The following RGS5 variants were observed in gnomAD, a reference collection of about 807,000 sequenced individuals.
The protein encoded by RGS5 is regulator of G-protein signalling 5.
In RGS5, 20 loss-of-function variants were observed where a neutral mutation model predicts 18.9. The observed-to-expected ratio is 1.06, with a 90% CI of 0.74 to 1.54. The LOEUF (loss-of-function observed/expected upper bound fraction) is 1.54. RGS5 is among the 40% of genes most tolerant of loss of function. The pLI, the probability that RGS5 is intolerant of heterozygous loss-of-function variation, is 0.00. For synonymous variants in RGS5, 57 were observed against 76.2 expected, an observed-to-expected ratio of 0.75 and a Z score of 1.31; for missense variants, 201 against 211.8, an observed-to-expected ratio of 0.95 and a Z score of 0.32.
At chr1:163,250,424 G>T (rs10494392) in intron 2 of RGS5, among the ~76,000 whole-genome samples, 32,455 of 152,128 alleles carry the variant, frequency 0.21, 3,707 homozygotes, top group African/African-American at 0.3. Context: ...ATTATGAGAC[G>T]TGAAGGTGAT....
At chr1:163,166,051 A>G (rs1357389368) in intron 2 of RGS5, among the ~76,000 whole-genome samples, 3 of 152,174 alleles carry the variant, frequency 2.0e-5, no homozygotes, top group Non-Finnish European at 4.4e-5. Flanking sequence ...AAAGACTGAA[A>G]GCCATGAGTA....
At chr1:163,169,699 C>T (rs1443467477) in intron 1 of RGS5, among the ~76,000 whole-genome samples, 1 of 152,076 alleles carries the variant, frequency 6.6e-6, no homozygotes, top group African/African-American at 2.4e-5. Context: ...ACTGCCAGAC[C>T]TCAGTTCCCT....
intron 1 of RGS5, among the ~76,000 whole-genome samples, chr1:163,202,535 C>T (rs1030179008): frequency 7.9e-5 from 12 of 152,220 alleles, no homozygotes; most frequent in Non-Finnish European, 1.3e-4. Flanking sequence ...ATAGAATAGG[C>T]ATCTCCTTGA....
At chr1:163,216,410 C>A (rs1242277647) in intron 1 of RGS5, among the ~76,000 whole-genome samples, 1 of 152,152 alleles carries the variant, frequency 6.6e-6, no homozygotes, top group African/African-American at 2.4e-5. Flanking sequence ...ACTCACAAAC[C>A]AGATGGGCTC....
At chr1:163,270,144 T>C (rs1274729024) in intron 2 of RGS5, among the ~76,000 whole-genome samples, 3 of 152,110 alleles carry the variant, frequency 2.0e-5, no homozygotes, top group East Asian at 1.9e-4. Context: ...TCGGCATATA[T>C]GCACTTGGGG....
At chr1:163,179,882 C>T (rs1403730677) in intron 1 of RGS5, among the ~76,000 whole-genome samples, 1 of 152,108 alleles carries the variant, frequency 6.6e-6, no homozygotes, top group Non-Finnish European at 1.5e-5. Flanking sequence ...ACCCTTCTTC[C>T]CAATATCCCA....
At chr1:163,184,814 C>A (rs535320232) in intron 1 of RGS5, among the ~76,000 whole-genome samples, 1 of 152,226 alleles carries the variant, frequency 6.6e-6, no homozygotes, top group South Asian at 2.1e-4. Context: ...CCAGAACCTC[C>A]AGGAGGAATG....
At chr1:163,161,193 T>C (rs981484860) in intron 3 of RGS5, among the ~76,000 whole-genome samples, 1 of 152,206 alleles carries the variant, frequency 6.6e-6, no homozygotes, top group African/African-American at 2.4e-5. Context: ...AGAAATCCTA[T>C]ATGGAACAGA....
At chr1:163,245,048 T>C (rs866390805) in intron 2 of RGS5, 6 of 152,222 alleles carry the variant, frequency 3.9e-5, no homozygotes, top group Non-Finnish European at 8.8e-5. Context: ...AATAAAACCT[T>C]AGGTCACATT....
intron 2 of RGS5, among the ~76,000 whole-genome samples, chr1:163,287,851 T>C (rs770462529): frequency 1.3e-5 from 2 of 152,234 alleles, no homozygotes; most frequent in African/African-American, 4.8e-5. Flanking sequence ...TGTTCCAGCA[T>C]TGAGTGGATT....
intron 1 of RGS5, among the ~76,000 whole-genome samples, chr1:163,184,804 C>G (rs1659001914): frequency 6.6e-6 from 1 of 152,074 alleles, no homozygotes; most frequent in Non-Finnish European, 1.5e-5. Context: ...TCAATTTCCC[C>G]CAGAACCTCC....
chr1:163,151,118 G>T (rs1254030119), intron 4 of RGS5, among the ~76,000 whole-genome samples: 1 of 152,148 alleles, frequency 6.6e-6, no homozygotes, highest in African/African-American at 2.4e-5. Flanking sequence ...TTTCAATGTG[G>T]TTTTATAAAT....
intron 2 of RGS5, among the ~76,000 whole-genome samples, chr1:163,297,181 AG>A (rs1489098986): frequency 2.6e-5 from 4 of 152,298 alleles, no homozygotes; most frequent in South Asian, 2.1e-4. Flanking sequence ...AGAAAGCCAC[AG>A]GCAAATCAGC....
intron 1 of RGS5, among the ~76,000 whole-genome samples, chr1:163,311,545 A>G (rs1482817557): frequency 6.6e-6 from 1 of 152,186 alleles, no homozygotes; most frequent in African/African-American, 2.4e-5. Flanking sequence ...GAAGGCTTGG[A>G]GGACATTATA....
Position 163,316,861 on chromosome 1 carries a change from C to T in RGS5, c.-378+4761G>A, listed in dbSNP as rs943985646. On this transcript the variant is annotated intron_variant, in intron 1 of 5. Transcript: ENST00000618415. The stretch of plus-strand genomic sequence containing the variant: ...GCTACTACTATTACTTTGTTAGACG[C>T]ATCATGTCTCAAAAGGAGTTCAGTT... 1.3e-4 allele frequency among the ~76,000 whole-genome samples: 20 copies of T among 152,238 alleles called. No individual in the cohort carries two copies. The East Asian group carries it at 2.9e-3, about 22-fold the overall frequency.
intron 4 of RGS5, among the ~76,000 whole-genome samples, chr1:163,149,110 G>A (rs916586133): frequency 6.6e-6 from 1 of 152,200 alleles, no homozygotes; most frequent in Non-Finnish European, 1.5e-5. Flanking sequence ...TTTTCCAGAG[G>A]TGAAAGGGGT....
At chr1:163,180,940 C>T (rs762936461) in intron 1 of RGS5, among the ~76,000 whole-genome samples, 1 of 152,028 alleles carries the variant, frequency 6.6e-6, no homozygotes, top group East Asian at 1.9e-4. Context: ...GTGATCCTCC[C>T]GCCTCCGCCT....
chr1:163,177,872 C>T (rs933047678), intron 1 of RGS5, among the ~76,000 whole-genome samples: 3 of 152,116 alleles, frequency 2.0e-5, no homozygotes, highest in African/African-American at 2.4e-5. Context: ...TGTGTTGTGA[C>T]GTCAAAAGCA....
At chr1:163,201,977 G>T (rs1287485009) in intron 1 of RGS5, among the ~76,000 whole-genome samples, 1 of 152,116 alleles carries the variant, frequency 6.6e-6, no homozygotes, top group Non-Finnish European at 1.5e-5. Flanking sequence ...TAACAAGTAA[G>T]ATATTTGTTC....
Sources: gnomAD v4.1 joint callset for allele counts (sites outside exome capture counted in the v4.1 genomes callset) on GRCh38, gnomAD v4.1.1 for gene constraint, MANE v1.5 for transcripts, NCBI Gene and HGNC (gene_info 2026-07-23, HGNC 2026-07-21) for gene names.